Variants in PCBP3 observed in about 807,000 individuals in gnomAD.
PCBP3 encodes poly(rC)-binding protein 3.
In PCBP3, 25 loss-of-function variants were observed where a neutral mutation model predicts 52.7. The ratio of observed to expected loss-of-function variants is 0.47; its 90% confidence interval spans 0.35 to 0.66. The LOEUF (loss-of-function observed/expected upper bound fraction) is 0.66, where lower values mean the gene tolerates loss of function less well. PCBP3 is among the 30% of genes least tolerant of loss of function. PCBP3 has a pLI of 0.01. For missense variants in PCBP3, 391 were observed against 490.3 expected, an observed-to-expected ratio of 0.80 and a Z score of 1.91; for synonymous variants, 162 against 183.0, an observed-to-expected ratio of 0.89 and a Z score of 0.93.
chr21:45,706,233 A>G (rs78201295), intron 2 of PCBP3, among the ~76,000 whole-genome samples: 3,581 of 152,304 alleles, frequency 0.024, 79 homozygotes, highest in Non-Finnish European at 0.034. Context: ...CCTAACCAGG[A>G]AAGTCGAATC....
At chr21:45,743,911 C>T (rs1429391874) in intron 3 of PCBP3, among the ~76,000 whole-genome samples, 4 of 151,992 alleles carry the variant, frequency 2.6e-5, no homozygotes, top group South Asian at 4.1e-4. Flanking sequence ...TATCAGCCTT[C>T]GATAGAATTC....
In PCBP3 at chr21:45,737,519, C is replaced by A. The variant is rs73378536; in HGVS notation, c.-162+2090C>A. ...GAGCCTAACTGTAGGCTCTTCAGAC[C>A]CAGCCTACAGTTCTGGAAATAAACC... On this transcript the variant is annotated intron_variant, in intron 3 of 17. Transcript: ENST00000681687. The surrounding 1 kb of genome is among the most constrained non-coding windows in gnomAD (Gnocchi z 4.9). Among the ~76,000 whole-genome samples the A allele has an allele frequency of 4.9e-3, 744 of 152,256 alleles. 7 individuals are homozygous for A. Among genetic ancestry groups the A allele is most frequent in the African/African-American group, 0.016 (682 of 41,554 alleles).
rs114994474 is a variant in PCBP3 at position 45,863,323 on chromosome 21, G to A, written c.10+13228G>A. Among the ~76,000 whole-genome samples the A allele has an allele frequency of 3.5e-3, 535 of 152,278 alleles. 3 individuals carry two copies. The highest frequency in any genetic ancestry group is 0.012 in the African/African-American group (495 of 41,540). ...CCTACGCCACCCATGGCAGACTGGC[G>A]GCAGCAGCAGCAAAAGCTCGTGTCT... On this transcript the variant is annotated intron_variant, in intron 5 of 17. Transcript: ENST00000681687.
chr21:45,730,260 C>A (rs2085355080), intron 2 of PCBP3, among the ~76,000 whole-genome samples: 2 of 151,514 alleles, frequency 1.3e-5, no homozygotes, highest in Admixed American at 1.3e-4. Context: ...TTTCTTATTT[C>A]CATTGTGTTT....
intron 2 of PCBP3, chr21:45,732,857 G>A (rs1192955627): frequency 2.6e-5 from 4 of 152,184 alleles, no homozygotes; most frequent in Admixed American, 6.6e-5. Context: ...GAGTCTCACT[G>A]TGTTGTCCAG....
At chr21:45,911,488 G>A (rs1003313922) in intron 11 of PCBP3, among the ~76,000 whole-genome samples, 1 of 152,138 alleles carries the variant, frequency 6.6e-6, no homozygotes, top group African/African-American at 2.4e-5. Flanking sequence ...AGGAACAGAG[G>A]TCAAAACTCG....
At chr21:45,771,056 T>C (rs1456259281) in intron 4 of PCBP3, among the ~76,000 whole-genome samples, 1 of 152,268 alleles carries the variant, frequency 6.6e-6, no homozygotes, top group African/African-American at 2.4e-5. Context: ...CTGTCTCCCT[T>C]AGCCAGTCCT....
At position 45,928,549 on chromosome 21, in the gene PCBP3, G is replaced by A. The variant is rs961789889; in HGVS notation, c.718-1368G>A. On this transcript the variant is annotated intron_variant, in intron 13 of 17. Transcript: ENST00000681687. This position sits in a 1 kb window ranked among gnomAD's most constrained non-coding sequence, Gnocchi z 4.1. ...CTGGGAAGGCGCTGGGACCACAGTCGCCGCATTCCTGACTGTGCTCCCTGG... is the reference window on the plus strand; with the variant it reads ...CTGGGAAGGCGCTGGGACCACAGTCACCGCATTCCTGACTGTGCTCCCTGG... Among the ~76,000 whole-genome samples, 1 of 152,190 alleles carries A rather than the reference G, an allele frequency of 6.6e-6. No individual in the cohort carries two copies. The highest frequency in any genetic ancestry group is 1.5e-5 in the Non-Finnish European group (1 of 68,012).
At chr21:45,652,423 T>C (rs1027229126) in intron 1 of PCBP3, among the ~76,000 whole-genome samples, 2 of 151,334 alleles carry the variant, frequency 1.3e-5, no homozygotes, top group South Asian at 2.1e-4. Context: ...TCTTAAAATA[T>C]GTGACTGGAT....
At chr21:45,815,659 AGTG>A (rs1264919193) in intron 4 of PCBP3, among the ~76,000 whole-genome samples, 17 of 54,436 alleles carry the variant, frequency 3.1e-4, no homozygotes, top group Non-Finnish European at 5.1e-4. Flanking sequence ...GTGAGTGGTG[AGTG>A]GTGAGTGATG....
At chr21:45,662,114 C>T (rs1603181008) in intron 1 of PCBP3, among the ~76,000 whole-genome samples, 1 of 151,880 alleles carries the variant, frequency 6.6e-6, no homozygotes, top group East Asian at 1.9e-4. Flanking sequence ...ATTATTTTTG[C>T]TGTGTAGACA....
Position 45,735,164 on chromosome 21 carries a change from T to C in PCBP3, c.-199-228T>C, listed in dbSNP as rs955016495. 2.6e-5 allele frequency among the ~76,000 whole-genome samples: 4 copies of C among 152,214 alleles called. No individual in the cohort carries two copies. Among genetic ancestry groups the C allele is most frequent in the Non-Finnish European group, 5.9e-5 (4 of 68,036 alleles). On this transcript the variant is annotated intron_variant, in intron 2 of 17. Coordinates refer to ENST00000681687, the MANE Select transcript of PCBP3 (RefSeq NM_001384156.1). The surrounding 1 kb of genome is among the most constrained non-coding windows in gnomAD (Gnocchi z 4.0). ...CTGGGGTTCTGAGTCTTTATCAGTG[T>C]CGTGTATGTTCCAGACTCAGTTTAG...
intron 5 of PCBP3, among the ~76,000 whole-genome samples, chr21:45,888,929 A>C (rs947959256): frequency 6.6e-6 from 1 of 152,150 alleles, no homozygotes; most frequent in East Asian, 1.9e-4. Context: ...AGGTTTGCAC[A>C]TTAAACACAC....
intron 15 of PCBP3, among the ~76,000 whole-genome samples, chr21:45,934,774 G>A (rs2076700359): frequency 6.6e-6 from 1 of 152,198 alleles, no homozygotes; most frequent in South Asian, 2.1e-4. Context: ...GCACTGTCGG[G>A]TAGAGCCGTG....
rs2075735863 is a variant in PCBP3 at position 45,928,225 on chromosome 21, C to G, written c.718-1692C>G. On this transcript the variant is annotated intron_variant, in intron 13 of 17. Transcript: ENST00000681687. This position sits in a 1 kb window ranked among gnomAD's most constrained non-coding sequence, Gnocchi z 4.1. ...TGTCCTTGGGACAGGATGTCCCCCA[C>G]AAGCTCTCCTGGCACCCTCGTCAGG... Among the ~76,000 whole-genome samples, 1 of 152,210 alleles carries G rather than the reference C, an allele frequency of 6.6e-6. No homozygotes were observed. Among genetic ancestry groups the G allele is most frequent in the African/African-American group, 2.4e-5 (1 of 41,460 alleles).
intron 4 of PCBP3, among the ~76,000 whole-genome samples, chr21:45,797,418 T>A (rs1173100597): frequency 2.7e-5 from 4 of 150,746 alleles, no homozygotes; most frequent in Non-Finnish European, 5.9e-5. Context: ...AGAGAGTGAA[T>A]GCGTGGATGG....
At chr21:45,913,573 C>G (rs1238229756) in intron 11 of PCBP3, among the ~76,000 whole-genome samples, 1 of 151,970 alleles carries the variant, frequency 6.6e-6, no homozygotes. Flanking sequence ...CAGCCCTTGT[C>G]CAGCAGGGTC....
At chr21:45,738,284 T>C (rs2086042905) in intron 3 of PCBP3, among the ~76,000 whole-genome samples, 1 of 149,642 alleles carries the variant, frequency 6.7e-6, no homozygotes, top group Admixed American at 6.7e-5. Flanking sequence ...TGAGACAGTC[T>C]AGCTCTGTCG....
In PCBP3 at chr21:45,792,450, C is replaced by A. The variant is rs369733711; in HGVS notation, c.-126+36998C>A. ...TTATCTATTGTCTGTGGAAAGAAAA[C>A]TTAAATAGAGTTTTCTTTTTTAAAA... On this transcript the variant is annotated intron_variant, in intron 4 of 17. Transcript: ENST00000681687. 1.2e-4 allele frequency among the ~76,000 whole-genome samples: 18 copies of A among 152,346 alleles called. No individual in the cohort carries two copies. In the East Asian group the frequency reaches 3.3e-3, roughly 28 times the overall value.
Sources: gnomAD v4.1 joint callset for allele counts (sites outside exome capture counted in the v4.1 genomes callset) on GRCh38, gnomAD v4.1.1 for gene constraint, Gnocchi (gnomAD v3.1) non-coding constraint, MANE v1.5 for transcripts, NCBI Gene and HGNC (gene_info 2026-07-23, HGNC 2026-07-21) for gene names.